The following ZNF131 variants were observed in gnomAD, a reference collection of about 807,000 sequenced individuals.
ZNF131 encodes the protein zinc finger protein 131.
ZNF131 carries 7 observed loss-of-function variants against 60.0 expected under a neutral mutation model. That is an observed-to-expected ratio of 0.12 (90% CI 0.07 to 0.22). ZNF131 has a LOEUF of 0.22. Ranked by LOEUF, ZNF131 falls within the 10% of genes least tolerant of loss-of-function variation. ZNF131 has a pLI of 1.00. For synonymous variants in ZNF131, 257 were observed against 253.2 expected (o/e 1.01, Z -0.14); for missense variants, 493 against 740.9 (o/e 0.67, Z 3.88).
At chr5:43,160,677 A>ATTTTTTTTTT (rs1749569232) in intron 4 of ZNF131, among the ~76,000 whole-genome samples, 5 of 121,086 alleles carry the variant, frequency 4.1e-5, no homozygotes, top group Non-Finnish European at 8.9e-5. Flanking sequence ...TTAGCTTGGA[A>ATTTTTTTTTT]CTTTTTTTTT....
At chr5:43,157,515 C>CTGTGGGAGAGA (rs1749110382) in intron 4 of ZNF131, among the ~76,000 whole-genome samples, 1 of 151,876 alleles carries the variant, frequency 6.6e-6, no homozygotes, top group South Asian at 2.1e-4. Context: ...AAGAGTCTCT[C>CTGTGGGAGAGA]TCCCACAGAA....
intron 6 of ZNF131, among the ~76,000 whole-genome samples, chr5:43,174,151 C>G (rs1358577161): frequency 6.6e-6 from 1 of 152,162 alleles, no homozygotes; most frequent in Non-Finnish European, 1.5e-5. Flanking sequence ...TCCCTAGAAC[C>G]CAGGAGACGG....
At chr5:43,123,085 T>G in intron 2 of ZNF131, 124 bp from the exon 3 acceptor site, 1 of 653,488 alleles carries the variant, frequency 1.5e-6, no homozygotes, top group Non-Finnish European at 2.5e-6. Flanking sequence ...GTTCAATAAT[T>G]TCTGTAGTTA....
At position 43,161,849 on chromosome 5, in the gene ZNF131, G is replaced by A; in HGVS notation, c.972G>A (p.Gly324=). Residue 324 remains glycine (G), a synonymous_variant, in exon 5 of 7, where the codon GGG becomes GGA. Transcript: ENST00000682664. ...EGGVSKKQRT[G]KKIHVCQYCE... Reference sequence around the variant, plus strand: ...GAGTCAGTAAGAAGCAAAGAACTGGGAAAAAAATTCATGTATGTCAGTACT... The same window carrying A: ...GAGTCAGTAAGAAGCAAAGAACTGGAAAAAAAATTCATGTATGTCAGTACT... 2 of 1,613,616 alleles carry A rather than the reference G, an allele frequency of 1.2e-6. No individual in the cohort carries two copies. The highest frequency in any genetic ancestry group is 1.7e-6 in the Non-Finnish European group (2 of 1,179,912).
Position 43,161,437 on chromosome 5 carries a change from T to C in ZNF131, c.560T>C (p.Leu187Ser). 6.2e-7 allele frequency: 1 copy of C among 1,614,174 alleles called. No homozygotes were observed. Among genetic ancestry groups the C allele is most frequent in the Non-Finnish European group, 8.5e-7 (1 of 1,180,042 alleles). ...IEVEDEGIET[L>S]EEVASAKQSV... ...GTGGAAGATGAAGGCATCGAAACAT[T>C]AGAGGAAGTGGCTTCTGCCAAGCAG... The change falls in exon 5 of 7, where the codon TTA becomes TCA. Residue 187 changes from leucine (L) to serine (S), a missense_variant. Leu to Ser is a moderately radical substitution (Grantham distance 145). Around this residue, in one of 7 missense-constraint regions of ZNF131, gnomAD observed 138 missense variants for 158.7 expected, o/e 0.87. Coordinates refer to ENST00000682664, the MANE Select transcript of ZNF131 (RefSeq NM_001330707.2).
At chr5:43,172,692 A>G (rs767831039) in intron 5 of ZNF131, among the ~76,000 whole-genome samples, 5 of 151,190 alleles carry the variant, frequency 3.3e-5, no homozygotes, top group African/African-American at 7.3e-5. Context: ...ACAGCTATCT[A>G]CTGGACATCT....
rs751235250 is a variant in ZNF131, at chr5:43,161,950, G to A, written c.1054+19G>A. On this transcript the variant is annotated intron_variant, in intron 5 of 6. Transcript: ENST00000682664. ...CATACAGGTAATGAGCAAATACTTT[G>A]TTAAAATTTTTTTTTCCCACATGCA... 3 of 1,540,454 alleles carry A rather than the reference G, an allele frequency of 1.9e-6. No homozygotes were observed. Among genetic ancestry groups the A allele is most frequent in the Admixed American group, 2.2e-5 (1 of 45,260 alleles).
intron 1 of ZNF131, 45 bp from the exon 2 acceptor site, chr5:43,121,994 C>A: frequency 6.3e-7 from 1 of 1,577,318 alleles, no homozygotes; most frequent in Non-Finnish European, 8.6e-7. Flanking sequence ...TTTTGTTCCT[C>A]GGCTCGAGCT....
intron 4 of ZNF131, among the ~76,000 whole-genome samples, chr5:43,139,691 G>A (rs1746559063): frequency 6.6e-6 from 1 of 152,012 alleles, no homozygotes; most frequent in South Asian, 2.1e-4. Context: ...GGAAATAGAT[G>A]GAAATAAATA....
chr5:43,123,834 A>G (rs1030538038), intron 3 of ZNF131: 4 of 152,508 alleles, frequency 2.6e-5, no homozygotes, highest in African/African-American at 4.8e-5. Flanking sequence ...TGGCTCTACA[A>G]TGGGATGGAT....
intron 6 of ZNF131, 55 bp downstream of exon 6, chr5:43,173,503 C>T: frequency 6.4e-7 from 1 of 1,560,834 alleles, no homozygotes; most frequent in Non-Finnish European, 8.7e-7. Flanking sequence ...TGTTTGCAGT[C>T]ATCAAAAGCA....
At chr5:43,143,595 C>T in intron 4 of ZNF131, 1 of 267,824 alleles carries the variant, frequency 3.7e-6, no homozygotes, top group Non-Finnish European at 6.9e-6. Context: ...TCTGTACAGT[C>T]TACATTTTGT....
At chr5:43,128,749 GGTACCA>G (rs1030403421) in intron 3 of ZNF131, among the ~76,000 whole-genome samples, 3 of 151,260 alleles carry the variant, frequency 2.0e-5, no homozygotes, top group African/African-American at 7.3e-5. Context: ...CCAAAGATCA[GGTACCA>G]GTACTTTCTT....
At chr5:43,170,413 G>T (rs1359877733) in intron 5 of ZNF131, among the ~76,000 whole-genome samples, 1 of 152,112 alleles carries the variant, frequency 6.6e-6, no homozygotes, top group Non-Finnish European at 1.5e-5. Context: ...CTTCCATCCT[G>T]GAATCATTCA....
At chr5:43,130,948 C>G (rs1357573244) in intron 3 of ZNF131, among the ~76,000 whole-genome samples, 2 of 152,028 alleles carry the variant, frequency 1.3e-5, no homozygotes, top group African/African-American at 4.8e-5. Flanking sequence ...ACTGCAACCT[C>G]CATCTCCCGG....
At chr5:43,144,852 A>G (rs1424445141) in intron 4 of ZNF131, among the ~76,000 whole-genome samples, 2 of 151,590 alleles carry the variant, frequency 1.3e-5, no homozygotes, top group Non-Finnish European at 2.9e-5. Flanking sequence ...TTGGAATGCC[A>G]TCTGTCTGCT....
intron 3 of ZNF131, among the ~76,000 whole-genome samples, chr5:43,137,568 A>T (rs1331164125): frequency 7.0e-6 from 1 of 142,240 alleles, no homozygotes; most frequent in Non-Finnish European, 1.5e-5. Context: ...ACCTTTCAGG[A>T]TGGCTATCAA....
intron 4 of ZNF131, among the ~76,000 whole-genome samples, chr5:43,142,239 A>G (rs1245278675): frequency 6.7e-6 from 1 of 149,872 alleles, no homozygotes; most frequent in Non-Finnish European, 1.5e-5. Flanking sequence ...GCTACTCGGG[A>G]GGCTGAGGCA....
intron 5 of ZNF131, 170 bp from the exon 6 acceptor site, chr5:43,173,146 ACC>A: frequency 1.8e-6 from 1 of 569,920 alleles, no homozygotes; most frequent in Non-Finnish European, 2.9e-6. Flanking sequence ...TATTTTTGCT[ACC>A]TCTAGAAAAG....
Sources: gnomAD v4.1 joint callset for allele counts (sites outside exome capture counted in the v4.1 genomes callset) on GRCh38, gnomAD v4.1.1 for gene constraint, gnomAD v4.1.1 regional missense constraint, MANE v1.5 for transcripts, NCBI Gene and HGNC (gene_info 2026-07-23, HGNC 2026-07-21) for gene names.